IL1RAPL1: variants seen among roughly 807,000 people sequenced by gnomAD.
The protein encoded by IL1RAPL1 is interleukin-1 receptor accessory protein-like 1.
Under a neutral mutation model 48.4 loss-of-function variants are expected in IL1RAPL1, and 3 were observed. The observed-to-expected ratio is 0.06, with a 90% CI of 0.03 to 0.16. The LOEUF (loss-of-function observed/expected upper bound fraction) is 0.16, where lower values mean the gene tolerates loss of function less well. Ranked by LOEUF, IL1RAPL1 falls within the 10% of genes least tolerant of loss-of-function variation. The probability of loss-of-function intolerance (pLI) is 1.00; values close to 1 mark genes in which losing one functional copy is unlikely to be tolerated. For synonymous variants in IL1RAPL1, 185 were observed against 187.7 expected, an observed-to-expected ratio of 0.99 and a Z score of 0.12; for missense variants, 349 against 530.6, an observed-to-expected ratio of 0.66 and a Z score of 3.36.
At chrX:29,704,879 C>T (rs930219952) in intron 6 of IL1RAPL1, among the ~76,000 whole-genome samples, 6 of 110,800 alleles carry the variant, frequency 5.4e-5, no homozygotes, top group Non-Finnish European at 9.4e-5. Flanking sequence ...AACCTTATTG[C>T]GGTTCCATGA....
intron 2 of IL1RAPL1, among the ~76,000 whole-genome samples, chrX:29,041,696 T>TG (rs1569225085): frequency 8.9e-6 from 1 of 111,810 alleles, no homozygotes; most frequent in Non-Finnish European, 1.9e-5. Context: ...ATATACCGTG[T>TG]ATTAGTTCTT....
chrX:28,669,630 A>T (rs1243593735), intron 1 of IL1RAPL1, among the ~76,000 whole-genome samples: 2 of 102,204 alleles, frequency 2.0e-5, no homozygotes, highest in African/African-American at 7.0e-5. Flanking sequence ...AAAAAATATT[A>T]TATATATATA....
At chrX:28,676,051 G>T (rs1468279465) in intron 1 of IL1RAPL1, among the ~76,000 whole-genome samples, 2 of 111,664 alleles carry the variant, frequency 1.8e-5, no homozygotes, top group Non-Finnish European at 3.8e-5. Context: ...TGGTAGAAGA[G>T]ATCAGTGACA....
intron 5 of IL1RAPL1, among the ~76,000 whole-genome samples, chrX:29,659,237 C>T (rs146171060): frequency 2.1e-3 from 237 of 111,727 alleles, no homozygotes; most frequent in African/African-American, 7.5e-3. Flanking sequence ...TTATGACCAA[C>T]CATTCTATTC....
intron 3 of IL1RAPL1, among the ~76,000 whole-genome samples, chrX:29,393,073 CT>C (rs1292617372): frequency 8.9e-6 from 1 of 112,026 alleles, no homozygotes; most frequent in African/African-American, 3.2e-5. Context: ...TTTGGTATTA[CT>C]TTCACCTTAT....
intron 5 of IL1RAPL1, among the ~76,000 whole-genome samples, chrX:29,404,215 C>G (rs1225351538): frequency 8.9e-6 from 1 of 111,995 alleles, no homozygotes; most frequent in Admixed American, 9.5e-5. Flanking sequence ...TTCATATGTT[C>G]AGCCCTTCTT....
intron 2 of IL1RAPL1, among the ~76,000 whole-genome samples, chrX:28,971,211 C>A (rs1404251243): frequency 1.8e-5 from 2 of 111,738 alleles, no homozygotes; most frequent in African/African-American, 3.3e-5. Context: ...CAAAGGAAAA[C>A]CATCATGAGA....
chrX:29,286,930 A>G (rs1932291726), intron 3 of IL1RAPL1, among the ~76,000 whole-genome samples: 2 of 110,531 alleles, frequency 1.8e-5, no homozygotes, highest in African/African-American at 6.6e-5. Context: ...GACATAACGT[A>G]GAGAGATGCC....
intron 6 of IL1RAPL1, among the ~76,000 whole-genome samples, chrX:29,816,815 G>A (rs1031412547): frequency 9.1e-6 from 1 of 109,712 alleles, no homozygotes; most frequent in South Asian, 3.9e-4. Flanking sequence ...CATTCCTGTT[G>A]CATCTAACAC....
chrX:29,784,776 C>G (rs1307937506), intron 6 of IL1RAPL1, among the ~76,000 whole-genome samples: 1 of 110,976 alleles, frequency 9.0e-6, no homozygotes, highest in Non-Finnish European at 1.9e-5. Context: ...TACATGTGCT[C>G]TATTCATCGT....
At chrX:29,453,169 G>A (rs960822081) in intron 5 of IL1RAPL1, among the ~76,000 whole-genome samples, 4 of 109,134 alleles carry the variant, frequency 3.7e-5, no homozygotes, top group Admixed American at 9.9e-5. Context: ...CAAGTGATCC[G>A]CCACCTCGGC....
chrX:29,522,696 T>A (rs1301102339), intron 5 of IL1RAPL1, among the ~76,000 whole-genome samples: 1 of 112,266 alleles, frequency 8.9e-6, no homozygotes. Context: ...TATCTATAAT[T>A]CCCTCAAAGG....
intron 2 of IL1RAPL1, among the ~76,000 whole-genome samples, chrX:29,278,676 C>T (rs1188928100): frequency 8.9e-6 from 1 of 112,314 alleles, no homozygotes; most frequent in Non-Finnish European, 1.9e-5. Context: ...ATATGAATTA[C>T]ATACAATTAA....
intron 2 of IL1RAPL1, among the ~76,000 whole-genome samples, chrX:29,117,398 T>C (rs1200519695): frequency 8.9e-6 from 1 of 112,028 alleles, no homozygotes; most frequent in African/African-American, 3.2e-5. Flanking sequence ...AAATAAGCAA[T>C]TGAAAGTTAC....
At chrX:29,396,098 TGGGTAGCAAGAGAGAACCC>T (rs1933916393) in intron 3 of IL1RAPL1, among the ~76,000 whole-genome samples, 141 bp from the exon 4 acceptor site, 1 of 112,889 alleles carries the variant, frequency 8.9e-6, no homozygotes, top group Non-Finnish European at 1.9e-5. Context: ...ATTGTTTAGC[TGGGTAGCAAGAGAGAACCC>T]TGTGGAATAA....
chrX:29,903,948 A>G (rs1424588630), intron 6 of IL1RAPL1, among the ~76,000 whole-genome samples: 4 of 112,201 alleles, frequency 3.6e-5, no homozygotes, highest in Non-Finnish European at 5.6e-5. Flanking sequence ...GCTGACTGAT[A>G]TATTTGATGT....
At chrX:28,972,118 A>G (rs1925091527) in intron 2 of IL1RAPL1, among the ~76,000 whole-genome samples, 1 of 110,565 alleles carries the variant, frequency 9.0e-6, no homozygotes, top group Non-Finnish European at 1.9e-5. Context: ...TGTTGTAATA[A>G]CCTACTGACT....
chrX:29,670,874 A>G (rs953227882), intron 6 of IL1RAPL1, among the ~76,000 whole-genome samples: 2 of 111,774 alleles, frequency 1.8e-5, no homozygotes, highest in Admixed American at 1.9e-4. Flanking sequence ...ATGATGGGGA[A>G]CTTATAACCT....
At chrX:29,693,025 T>A (rs1347411363) in intron 6 of IL1RAPL1, among the ~76,000 whole-genome samples, 1 of 112,197 alleles carries the variant, frequency 8.9e-6, no homozygotes, top group Non-Finnish European at 1.9e-5. Flanking sequence ...GGCATAAAAG[T>A]GCGTTTCAGC....
Sources: allele counts gnomAD v4.1 joint callset (sites outside exome capture counted in the v4.1 genomes callset), GRCh38; gene constraint gnomAD v4.1.1; transcripts MANE v1.5; gene names NCBI Gene and HGNC (gene_info 2026-07-23, HGNC 2026-07-21).